ANO3: variants seen among roughly 807,000 people sequenced by gnomAD.
The protein encoded by ANO3 is anoctamin 3.
In ANO3, 99 loss-of-function variants were observed where a neutral mutation model predicts 144.8. That is an observed-to-expected ratio of 0.68 (90% CI 0.58 to 0.81). The LOEUF is 0.81. Ranked by LOEUF, ANO3 falls within the 30% of genes least tolerant of loss-of-function variation. ANO3 has a pLI of 0.00. For synonymous variants in ANO3, 414 were observed against 392.6 expected (o/e 1.05, Z -0.64); for missense variants, 905 against 1,202.2 (o/e 0.75, Z 3.66).
chr11:26,598,822 G>T, intron 15 of ANO3, 36 bp from the exon 16 acceptor site: 1 of 1,597,432 alleles, frequency 6.3e-7, no homozygotes, highest in Non-Finnish European at 8.5e-7. Context: ...TTAGTTTATG[G>T]CTTTGATATT....
At position 26,586,068 on chromosome 11, in the gene ANO3, T is replaced by C. The variant is rs141788074; in HGVS notation, c.1448-12297T>C. Among the ~76,000 whole-genome samples, 17 of 152,334 alleles carry C rather than the reference T, an allele frequency of 1.1e-4. No homozygotes were observed. In the East Asian group the frequency reaches 1.5e-3, roughly 14 times the overall value. On this transcript the variant is annotated intron_variant, in intron 14 of 26. Transcript: ENST00000256737. The stretch of plus-strand genomic sequence containing the variant: ...TCAGTAACCATGACTTTGACTGCTC[T>C]TCTACCTCTTCCATCAGCACAACTG...
At chr11:26,657,565 TTTC>T (rs1448100089) in intron 26 of ANO3, among the ~76,000 whole-genome samples, 1 of 151,858 alleles carries the variant, frequency 6.6e-6, no homozygotes, top group East Asian at 1.9e-4. Context: ...TCACTATTTT[TTTC>T]TTCTTCTTTC....
chr11:26,288,577 A>G (rs1590236031), intron 1 of ANO3, among the ~76,000 whole-genome samples: 1 of 152,268 alleles, frequency 6.6e-6, no homozygotes, highest in East Asian at 1.9e-4. Context: ...GTTAATAAAT[A>G]GGTATACTTC....
intron 1 of ANO3, among the ~76,000 whole-genome samples, chr11:26,319,052 C>T (rs1854694936): frequency 6.6e-6 from 1 of 152,132 alleles, no homozygotes; most frequent in South Asian, 2.1e-4. Context: ...CCACGGCTCA[C>T]TGTAGCCTCA....
At chr11:26,463,000 T>A (rs754937379) in intron 3 of ANO3, 30 bp from the exon 4 acceptor site, 12 of 1,154,212 alleles carry the variant, frequency 1.0e-5, no homozygotes, top group Non-Finnish European at 6.1e-6. Context: ...ACTATAGAAA[T>A]GGATATAACT....
At chr11:26,228,302 T>C (rs1042705755) in intron 1 of ANO3, among the ~76,000 whole-genome samples, 1 of 152,264 alleles carries the variant, frequency 6.6e-6, no homozygotes. Context: ...TCTACCAGTA[T>C]ACATCACAAT....
chr11:26,587,968 A>T, intron 14 of ANO3, among the ~76,000 whole-genome samples: 1 of 151,352 alleles, frequency 6.6e-6, no homozygotes. Flanking sequence ...GTACTTAAAA[A>T]GGTTCGGAAA....
At chr11:26,409,348 TGTA>T (rs1857374627) in intron 1 of ANO3, among the ~76,000 whole-genome samples, 1 of 151,930 alleles carries the variant, frequency 6.6e-6, no homozygotes, top group Admixed American at 6.6e-5. Context: ...TTAGAATAAA[TGTA>T]GTATGTTCAT....
At chr11:26,227,796 G>T (rs1852286758) in intron 1 of ANO3, among the ~76,000 whole-genome samples, 1 of 152,120 alleles carries the variant, frequency 6.6e-6, no homozygotes, top group African/African-American at 2.4e-5. Flanking sequence ...CCAGTTGTGT[G>T]TGACCAATGA....
chr11:26,273,501 A>G (rs1853491816), intron 1 of ANO3, among the ~76,000 whole-genome samples: 1 of 152,128 alleles, frequency 6.6e-6, no homozygotes, highest in Non-Finnish European at 1.5e-5. Flanking sequence ...GTTACAGGAC[A>G]AGCTGTGAAA....
chr11:26,217,530 T>C (rs1852058297), intron 1 of ANO3, among the ~76,000 whole-genome samples: 1 of 152,094 alleles, frequency 6.6e-6, no homozygotes, highest in Non-Finnish European at 1.5e-5. Flanking sequence ...TGGACTCAGA[T>C]ATTCTGATCT....
intron 1 of ANO3, among the ~76,000 whole-genome samples, chr11:26,200,884 T>C (rs1281966489): frequency 1.3e-5 from 2 of 152,168 alleles, no homozygotes; most frequent in East Asian, 3.8e-4. Context: ...AAAACATATT[T>C]ACCTCTGAAC....
chr11:26,565,407 C>A, intron 14 of ANO3: 2 of 1,613,186 alleles, frequency 1.2e-6, no homozygotes, highest in South Asian at 1.1e-5. Context: ...GACCAAAGAC[C>A]AAGTGAAGTT....
intron 1 of ANO3, among the ~76,000 whole-genome samples, chr11:26,261,814 T>C (rs1407768184): frequency 1.3e-5 from 2 of 152,220 alleles, no homozygotes; most frequent in Non-Finnish European, 2.9e-5. Flanking sequence ...AAGCATTTTA[T>C]CAAATAAGTT....
chr11:26,629,970 T>A (rs994933732), intron 18 of ANO3, among the ~76,000 whole-genome samples: 6 of 152,218 alleles, frequency 3.9e-5, no homozygotes, highest in African/African-American at 1.4e-4. Flanking sequence ...CCAATGGGAT[T>A]TTAAGTAAAA....
intron 6 of ANO3, among the ~76,000 whole-genome samples, chr11:26,524,772 G>A (rs1395877898): frequency 2.0e-5 from 3 of 152,168 alleles, no homozygotes; most frequent in Non-Finnish European, 2.9e-5. Context: ...GTTAAGGCCC[G>A]TTATCATCTG....
At chr11:26,544,012 T>C (rs1849712745) in intron 11 of ANO3, among the ~76,000 whole-genome samples, 1 of 151,670 alleles carries the variant, frequency 6.6e-6, no homozygotes, top group African/African-American at 2.4e-5. Context: ...GATCAGATTT[T>C]ATTTTATGCA....
chr11:26,336,067 T>C (rs1029734420), intron 1 of ANO3, among the ~76,000 whole-genome samples: 4 of 152,192 alleles, frequency 2.6e-5, no homozygotes, highest in African/African-American at 9.6e-5. Flanking sequence ...ACTGGGAGCA[T>C]ATGTTTGCTT....
At chr11:26,223,602 T>TA (rs58028308) in intron 1 of ANO3, among the ~76,000 whole-genome samples, 7,640 of 103,864 alleles carry the variant, frequency 0.074, 232 homozygotes, top group South Asian at 0.15. Context: ...AGCTTTTTAA[T>TA]AAAAAAAAAA....
Sources: gnomAD v4.1 joint callset for allele counts (sites outside exome capture counted in the v4.1 genomes callset) on GRCh38, gnomAD v4.1.1 for gene constraint, MANE v1.5 for transcripts, NCBI Gene and HGNC (gene_info 2026-07-23, HGNC 2026-07-21) for gene names.